The following BBS9 variants were observed in gnomAD, a reference collection of about 807,000 sequenced individuals.
BBS9 encodes Bardet-Biedl syndrome 9, also known as protein PTHB1.
Under a neutral mutation model 117.7 loss-of-function variants are expected in BBS9, and 89 were observed. The observed-to-expected ratio is 0.76, with a 90% CI of 0.64 to 0.90. BBS9 has a LOEUF of 0.90. BBS9 is among the 40% of genes least tolerant of loss of function. The pLI is 0.00. For synonymous variants in BBS9, 379 were observed against 370.9 expected (o/e 1.02, Z -0.25); for missense variants, 982 against 1,042.2 (o/e 0.94, Z 0.80).
intron 9 of BBS9, among the ~76,000 whole-genome samples, chr7:33,277,383 G>A (rs1800965657): frequency 6.6e-6 from 1 of 152,162 alleles, no homozygotes; most frequent in Non-Finnish European, 1.5e-5. Flanking sequence ...TGAGTAGGTA[G>A]TTGGTTCCCT....
intron 19 of BBS9, among the ~76,000 whole-genome samples, chr7:33,396,385 G>A (rs1371158657): frequency 2.6e-5 from 4 of 151,960 alleles, no homozygotes; most frequent in Non-Finnish European, 5.9e-5. Flanking sequence ...ACTGAAAAAA[G>A]CAGATTATGA....
intron 21 of BBS9, among the ~76,000 whole-genome samples, chr7:33,546,427 T>G (rs79320925): frequency 0.024 from 3,644 of 152,312 alleles, 93 homozygotes; most frequent in East Asian, 0.12. Flanking sequence ...TACTTTTCCA[T>G]GAATATGAAT....
chr7:33,528,051 A>G (rs1366241628), intron 20 of BBS9, among the ~76,000 whole-genome samples: 1 of 152,222 alleles, frequency 6.6e-6, no homozygotes, highest in African/African-American at 2.4e-5. Context: ...ATGTAATACA[A>G]TTCCATACAA....
chr7:33,352,735 G>C, intron 14 of BBS9, 124 bp from the exon 15 acceptor site: 2 of 1,124,898 alleles, frequency 1.8e-6, no homozygotes, highest in Non-Finnish European at 2.7e-6. Context: ...TCATCTGTGA[G>C]AATCTTGAAA....
At chr7:33,620,963 G>C (rs1356996977) in intron 21 of BBS9, among the ~76,000 whole-genome samples, 2 of 151,960 alleles carry the variant, frequency 1.3e-5, no homozygotes, top group African/African-American at 2.4e-5. Flanking sequence ...CTTTAACAAA[G>C]GTATTAAGAA....
At chr7:33,280,951 G>A (rs1257923137) in intron 9 of BBS9, among the ~76,000 whole-genome samples, 1 of 111,118 alleles carries the variant, frequency 9.0e-6, no homozygotes, top group Non-Finnish European at 1.8e-5. Flanking sequence ...AAGAGAATGT[G>A]AGCCTATATA....
At chr7:33,578,952 C>T (rs1018974821) in intron 21 of BBS9, among the ~76,000 whole-genome samples, 1 of 152,074 alleles carries the variant, frequency 6.6e-6, no homozygotes, top group Non-Finnish European at 1.5e-5. Context: ...ATTAAAAGTA[C>T]CAGAACATGA....
chr7:33,396,663 C>T (rs1196392779), intron 19 of BBS9, among the ~76,000 whole-genome samples: 3 of 152,028 alleles, frequency 2.0e-5, no homozygotes, highest in South Asian at 2.1e-4. Flanking sequence ...TTTTAAAATT[C>T]GTATGGAACC....
intron 9 of BBS9, among the ~76,000 whole-genome samples, chr7:33,284,874 C>A (rs1227243958): frequency 1.3e-5 from 2 of 152,138 alleles, no homozygotes; most frequent in African/African-American, 4.8e-5. Context: ...GTCTTTCTCC[C>A]AGCCACTTCC....
intron 15 of BBS9, among the ~76,000 whole-genome samples, chr7:33,355,955 A>G (rs1171398394): frequency 3.3e-5 from 5 of 151,838 alleles, no homozygotes; most frequent in Non-Finnish European, 7.4e-5. Flanking sequence ...TTTTAGCAGT[A>G]TAGTTTTGGA....
chr7:33,318,577 T>C (rs1811022831), intron 9 of BBS9, among the ~76,000 whole-genome samples: 1 of 152,168 alleles, frequency 6.6e-6, no homozygotes, highest in African/African-American at 2.4e-5. Context: ...ATTATTATTT[T>C]TTAAAAAATA....
chr7:33,444,616 T>C (rs1464004157), intron 19 of BBS9, among the ~76,000 whole-genome samples: 4 of 152,230 alleles, frequency 2.6e-5, no homozygotes, highest in African/African-American at 4.8e-5. Context: ...TTTTGTAGCA[T>C]GTTATTACAA....
At chr7:33,253,335 G>A (rs1389843813) in intron 5 of BBS9, among the ~76,000 whole-genome samples, 4 of 152,152 alleles carry the variant, frequency 2.6e-5, no homozygotes, top group East Asian at 1.9e-4. Flanking sequence ...ATGTTTGGCC[G>A]GGCGCAGTGG....
chr7:33,215,858 T>C (rs1788952935), intron 5 of BBS9, among the ~76,000 whole-genome samples: 1 of 152,256 alleles, frequency 6.6e-6, no homozygotes, highest in African/African-American at 2.4e-5. Context: ...AATTTTATGA[T>C]TAGATTAAAC....
At chr7:33,153,204 C>A (rs1793621380) in intron 3 of BBS9, among the ~76,000 whole-genome samples, 1 of 151,960 alleles carries the variant, frequency 6.6e-6, no homozygotes, top group Non-Finnish European at 1.5e-5. Context: ...AGCAGATAAC[C>A]ATTACTTTTT....
intron 19 of BBS9, among the ~76,000 whole-genome samples, chr7:33,453,004 G>A (rs1017554364): frequency 2.0e-5 from 3 of 152,152 alleles, no homozygotes; most frequent in African/African-American, 7.2e-5. Context: ...AGAAGGCAGT[G>A]GAGTTGGCAG....
chr7:33,231,102 G>A (rs1331730352), intron 5 of BBS9, among the ~76,000 whole-genome samples: 1 of 152,062 alleles, frequency 6.6e-6, no homozygotes, highest in African/African-American at 2.4e-5. Context: ...ATCCATTTTG[G>A]ATTGATTTTT....
chr7:33,210,112 G>T (rs1395445780), intron 5 of BBS9, among the ~76,000 whole-genome samples: 2 of 152,092 alleles, frequency 1.3e-5, no homozygotes, highest in Non-Finnish European at 2.9e-5. Flanking sequence ...TTTGTTTCAA[G>T]AACTTTTTCA....
At chr7:33,357,075 G>T (rs1819726881) in intron 15 of BBS9, among the ~76,000 whole-genome samples, 1 of 151,694 alleles carries the variant, frequency 6.6e-6, no homozygotes, top group Admixed American at 6.6e-5. Flanking sequence ...TTCATTTTCT[G>T]TAAAAATATT....
Sources: allele counts gnomAD v4.1 joint callset (sites outside exome capture counted in the v4.1 genomes callset), GRCh38; gene constraint gnomAD v4.1.1; transcripts MANE v1.5; gene names NCBI Gene and HGNC (gene_info 2026-07-23, HGNC 2026-07-21).